The following HSPBAP1 variants were observed in gnomAD, a reference collection of about 807,000 sequenced individuals.
The protein encoded by HSPBAP1 is HSPB1 associated protein 1.
A neutral mutation model predicts 45.2 loss-of-function variants in HSPBAP1; 27 were observed. The observed-to-expected ratio is 0.60, with a 90% CI of 0.44 to 0.82. The LOEUF (loss-of-function observed/expected upper bound fraction) is 0.82, where lower values mean the gene tolerates loss of function less well. Ranked by LOEUF, HSPBAP1 falls within the 40% of genes least tolerant of loss-of-function variation. HSPBAP1 has a pLI of 0.00. For synonymous variants in HSPBAP1, 204 were observed against 202.7 expected (o/e 1.01, Z -0.06); for missense variants, 510 against 590.9 (o/e 0.86, Z 1.42).
intron 4 of HSPBAP1, among the ~76,000 whole-genome samples, 196 bp from the exon 5 acceptor site, chr3:122,755,627 T>A (rs1934326707): frequency 6.6e-6 from 1 of 151,396 alleles, no homozygotes; most frequent in African/African-American, 2.4e-5. Context: ...TGGAAGGTTG[T>A]GTAGCAACTA....
intron 2 of HSPBAP1, among the ~76,000 whole-genome samples, chr3:122,773,595 C>T (rs1022024445): frequency 9.9e-5 from 15 of 151,904 alleles, no homozygotes; most frequent in African/African-American, 3.1e-4. Context: ...GGATTACAGG[C>T]ATGAGCCACT....
chr3:122,747,113 T>TATG (rs1393596738), intron 6 of HSPBAP1, among the ~76,000 whole-genome samples: 1 of 135,624 alleles, frequency 7.4e-6, no homozygotes, highest in Admixed American at 7.3e-5. Context: ...CCTGGCCGCC[T>TATG]ATCGTCTGGG....
In HSPBAP1 at chr3:122,755,421, G is replaced by A; in HGVS notation, c.580C>T (p.His194Tyr). 1 of 1,456,136 alleles carries A rather than the reference G, an allele frequency of 6.9e-7. No individual in the cohort carries two copies. Among genetic ancestry groups the A allele is most frequent in the Non-Finnish European group, 9.1e-7 (1 of 1,098,626 alleles). The allele number at this position is 1,456,136 out of a possible 1,614,324, so 90.2% of individuals were successfully genotyped here. ...VFQVQGRKRW[H>Y]LFPPEDTPFL... is the part of the protein sequence containing the mutation. ...GGAGTATCTTCAGGAGGAAAGAGATGCCATCGTTTCCTAATTAAAAAAAAA... is the reference window on the plus strand; with the variant it reads ...GGAGTATCTTCAGGAGGAAAGAGATACCATCGTTTCCTAATTAAAAAAAAA... Residue 194 changes from histidine to tyrosine, a missense_variant, in exon 5 of 8, where the codon CAT becomes TAT. Coordinates refer to ENST00000306103, the MANE Select transcript of HSPBAP1 (RefSeq NM_024610.6).
intron 3 of HSPBAP1, among the ~76,000 whole-genome samples, chr3:122,768,300 C>A (rs1431756404): frequency 6.6e-6 from 1 of 152,190 alleles, no homozygotes; most frequent in Non-Finnish European, 1.5e-5. Flanking sequence ...GCAGCAGCAG[C>A]CTGGTCACAG....
chr3:122,775,760 C>T (rs968132287), intron 2 of HSPBAP1, among the ~76,000 whole-genome samples: 2 of 152,142 alleles, frequency 1.3e-5, no homozygotes, highest in Admixed American at 6.5e-5. Context: ...TACTGTATGA[C>T]CCAGCAATTC....
intron 1 of HSPBAP1, among the ~76,000 whole-genome samples, chr3:122,781,498 G>A (rs966868891): frequency 1.3e-5 from 2 of 152,012 alleles, no homozygotes; most frequent in Admixed American, 6.5e-5. Context: ...GAGCCGAGAT[G>A]GCAGCAGTAC....
At chr3:122,792,651 G>A (rs563719238) in intron 1 of HSPBAP1, among the ~76,000 whole-genome samples, 22 of 151,568 alleles carry the variant, frequency 1.5e-4, no homozygotes, top group Non-Finnish European at 2.8e-4. Context: ...CACCTCAGCG[G>A]ATCACAAGGT....
At chr3:122,778,513 T>C (rs1226270013) in intron 1 of HSPBAP1, among the ~76,000 whole-genome samples, 1 of 108,468 alleles carries the variant, frequency 9.2e-6, no homozygotes, top group African/African-American at 3.6e-5. Flanking sequence ...CTAGTATTTC[T>C]TTTTTTTTTA....
intron 5 of HSPBAP1, chr3:122,754,954 A>AC (rs1452386312): frequency 1.7e-5 from 18 of 1,055,606 alleles, no homozygotes; most frequent in Middle Eastern, 4.3e-4. Flanking sequence ...CCATGCCTTG[A>AC]ACATTTTCTC....
intron 6 of HSPBAP1, among the ~76,000 whole-genome samples, chr3:122,748,118 C>A (rs550599709): frequency 1.3e-5 from 2 of 152,326 alleles, no homozygotes; most frequent in Admixed American, 6.5e-5. Flanking sequence ...GTGCTGTGTC[C>A]ACTCAGGGTT....
chr3:122,756,630 C>T (rs758141181), intron 4 of HSPBAP1, among the ~76,000 whole-genome samples: 3 of 150,108 alleles, frequency 2.0e-5, no homozygotes, highest in Admixed American at 1.3e-4. Context: ...CCCAGGAGTT[C>T]GAGGAAGCAG....
At chr3:122,766,996 G>A (rs567068585) in intron 3 of HSPBAP1, among the ~76,000 whole-genome samples, 3 of 152,284 alleles carry the variant, frequency 2.0e-5, no homozygotes, top group African/African-American at 7.2e-5. Context: ...GAATGGTGGG[G>A]CGTGGGTATG....
intron 1 of HSPBAP1, among the ~76,000 whole-genome samples, chr3:122,789,624 C>T (rs889540424): frequency 6.6e-6 from 1 of 152,176 alleles, no homozygotes; most frequent in African/African-American, 2.4e-5. Flanking sequence ...TGATGCTAAA[C>T]AAATGTTTCT....
intron 1 of HSPBAP1, among the ~76,000 whole-genome samples, chr3:122,779,062 T>C (rs1341360969): frequency 6.6e-6 from 1 of 150,566 alleles, no homozygotes; most frequent in Non-Finnish European, 1.5e-5. Flanking sequence ...TGAGACAGAG[T>C]CTCGCTCTGT....
At chr3:122,779,985 C>G (rs1935355403) in intron 1 of HSPBAP1, among the ~76,000 whole-genome samples, 1 of 152,150 alleles carries the variant, frequency 6.6e-6, no homozygotes, top group African/African-American at 2.4e-5. Flanking sequence ...CACAAAACCG[C>G]CATTGTCATC....
intron 6 of HSPBAP1, among the ~76,000 whole-genome samples, chr3:122,743,309 C>T (rs1933731722): frequency 6.6e-6 from 1 of 152,150 alleles, no homozygotes; most frequent in Non-Finnish European, 1.5e-5. Flanking sequence ...GTGGCTCACA[C>T]CTGTAATCCT....
rs141684084 is a variant in HSPBAP1 at position 122,746,149 on chromosome 3, T to G, written c.826-5036A>C. 1.2e-3 allele frequency among the ~76,000 whole-genome samples: 177 copies of G among 152,208 alleles called. 1 individual carries two copies. Among genetic ancestry groups the G allele is most frequent in the African/African-American group, 4.2e-3 (174 of 41,512 alleles). ...TTAAAAGAAATGTGCAAAGCTTATG[T>G]GAGGAAAACTTTAAAACACAGCTGT... On this transcript the variant is annotated intron_variant, in intron 6 of 7. Transcript: ENST00000306103.
intron 1 of HSPBAP1, among the ~76,000 whole-genome samples, chr3:122,785,920 C>T (rs1401436586): frequency 7.2e-5 from 11 of 151,876 alleles, no homozygotes; most frequent in East Asian, 1.9e-4. Context: ...TGTGTGTGCA[C>T]GCGCGCACAT....
At chr3:122,782,653 C>T (rs1234711074) in intron 1 of HSPBAP1, among the ~76,000 whole-genome samples, 1 of 152,116 alleles carries the variant, frequency 6.6e-6, no homozygotes, top group Non-Finnish European at 1.5e-5. Context: ...TACTCTCTGA[C>T]CCTCAAAATA....
Sources: allele counts gnomAD v4.1 joint callset (sites outside exome capture counted in the v4.1 genomes callset), GRCh38; gene constraint gnomAD v4.1.1; transcripts MANE v1.5; gene names NCBI Gene and HGNC (gene_info 2026-07-23, HGNC 2026-07-21).